STK32B: variants seen among roughly 807,000 people sequenced by gnomAD.
STK32B encodes serine/threonine-protein kinase 32B.
A neutral mutation model predicts 52.6 loss-of-function variants in STK32B; 43 were observed. That is an observed-to-expected ratio of 0.82 (90% CI 0.64 to 1.05). STK32B has a LOEUF of 1.05. Ranked by LOEUF, STK32B falls within the 50% of genes least tolerant of loss-of-function variation. The pLI, the probability that STK32B is intolerant of heterozygous loss-of-function variation, is 0.00. For missense variants in STK32B, 621 were observed against 534.6 expected, an observed-to-expected ratio of 1.16 and a Z score of -1.59; for synonymous variants, 238 against 204.3, an observed-to-expected ratio of 1.17 and a Z score of -1.41.
chr4:5,315,344 C>G (rs1004842939), intron 3 of STK32B, among the ~76,000 whole-genome samples: 2 of 152,070 alleles, frequency 1.3e-5, no homozygotes, highest in Non-Finnish European at 2.9e-5. Flanking sequence ...ACAAACAGAT[C>G]TGTATGTATC....
chr4:5,467,147 C>T lies in STK32B; in HGVS notation c.1041+313C>T, dbSNP rs1032910312. On this transcript the variant is annotated intron_variant, in intron 10 of 11. Coordinates refer to ENST00000282908, the MANE Select transcript of STK32B (RefSeq NM_018401.3). This position sits in a 1 kb window ranked among gnomAD's most constrained non-coding sequence, Gnocchi z 5.8. ...TACCGCAGAGGCCCCCAGGGCTGCACGATGACTTTTGTGGGTCCTGGGCAC... is the reference window on the plus strand; with the variant it reads ...TACCGCAGAGGCCCCCAGGGCTGCATGATGACTTTTGTGGGTCCTGGGCAC... Among the ~76,000 whole-genome samples the T allele has an allele frequency of 3.3e-5, 5 of 152,068 alleles. 1 individual carries two copies. Among genetic ancestry groups the T allele is most frequent in the South Asian group, 4.1e-4 (2 of 4,828 alleles).
chr4:5,156,514 G>A (rs1717861105), intron 2 of STK32B, among the ~76,000 whole-genome samples: 3 of 152,068 alleles, frequency 2.0e-5, no homozygotes, highest in Admixed American at 2.0e-4. Context: ...CCCTTTGATG[G>A]CTGAGCCAGC....
upstream of STK32B, among the ~76,000 whole-genome samples, chr4:5,047,066 T>A (rs887339577): frequency 6.6e-6 from 1 of 152,144 alleles, no homozygotes; most frequent in African/African-American, 2.4e-5. Flanking sequence ...CTGTTTACAA[T>A]AGCAAAATTG....
chr4:5,498,872 C>T, intron 11 of STK32B, 73 bp from the exon 12 acceptor site: 3 of 1,506,048 alleles, frequency 2.0e-6, no homozygotes, highest in Non-Finnish European at 2.7e-6. Context: ...GCCCTGCCTG[C>T]CCAGTGTGTC....
chr4:5,035,741 A>G, the STK32B span, among the ~76,000 whole-genome samples: 1 of 152,084 alleles, frequency 6.6e-6, no homozygotes, highest in Non-Finnish European at 1.5e-5. Context: ...GTACAATTAG[A>G]ATGTATTTTC....
At chr4:5,219,863 A>T (rs540026673) in intron 3 of STK32B, among the ~76,000 whole-genome samples, 1 of 152,138 alleles carries the variant, frequency 6.6e-6, no homozygotes, top group East Asian at 1.9e-4. Context: ...CTTTTTGGAG[A>T]TTGTTGCTTT....
chr4:5,299,744 T>C (rs936182219), intron 3 of STK32B, among the ~76,000 whole-genome samples: 2 of 152,176 alleles, frequency 1.3e-5, no homozygotes, highest in African/African-American at 2.4e-5. Flanking sequence ...GCTTTAGTTA[T>C]CCATTCTTTT....
chr4:5,182,148 C>G (rs190154546), intron 3 of STK32B, among the ~76,000 whole-genome samples: 60 of 152,326 alleles, frequency 3.9e-4, no homozygotes, highest in Non-Finnish European at 7.2e-4. Context: ...CAAGTGTGGT[C>G]ATGAGATTGC....
intron 4 of STK32B, among the ~76,000 whole-genome samples, chr4:5,349,608 A>G (rs1156479736): frequency 6.6e-6 from 1 of 152,220 alleles, no homozygotes; most frequent in Non-Finnish European, 1.5e-5. Flanking sequence ...CCCCAAAGGA[A>G]CACAGTAATT....
intron 4 of STK32B, among the ~76,000 whole-genome samples, chr4:5,349,191 C>T (rs1474764991): frequency 1.3e-5 from 2 of 152,142 alleles, no homozygotes; most frequent in Non-Finnish European, 2.9e-5. Context: ...CTGCCTGGAA[C>T]AAATAAAGCC....
chr4:5,159,609 GAA>G (rs1560185913), intron 2 of STK32B, among the ~76,000 whole-genome samples: 1 of 95,858 alleles, frequency 1.0e-5, no homozygotes, highest in East Asian at 3.3e-4. Flanking sequence ...ATATATATAT[GAA>G]TATATATGAA....
intron 2 of STK32B, among the ~76,000 whole-genome samples, chr4:5,160,389 A>G (rs1000859450): frequency 1.3e-5 from 2 of 152,160 alleles, no homozygotes; most frequent in Admixed American, 6.5e-5. Context: ...CCAGTGTGTC[A>G]ACACGTGCCA....
At chr4:5,450,451 G>T (rs985347791) in intron 7 of STK32B, among the ~76,000 whole-genome samples, 3 of 152,152 alleles carry the variant, frequency 2.0e-5, no homozygotes, top group African/African-American at 7.2e-5. Flanking sequence ...TCAGGATCCA[G>T]GGAGCGTTGT....
chr4:5,464,014 C>T (rs1336709691), intron 9 of STK32B, among the ~76,000 whole-genome samples: 4 of 152,196 alleles, frequency 2.6e-5, no homozygotes, highest in African/African-American at 9.7e-5. Context: ...CCTGCATCAG[C>T]TTTGCTTCTG....
At position 5,437,593 on chromosome 4, in the gene STK32B, C is replaced by T. The variant is rs6822069; in HGVS notation, c.563-9080C>T. Among the ~76,000 whole-genome samples, 1,190 of 152,306 alleles carry T rather than the reference C, an allele frequency of 7.8e-3. 24 individuals are homozygous for T. Among genetic ancestry groups the T allele is most frequent in the African/African-American group, 0.027 (1,110 of 41,570 alleles). On this transcript the variant is annotated intron_variant, in intron 6 of 11. Coordinates refer to ENST00000282908, the MANE Select transcript of STK32B (RefSeq NM_018401.3). ...TTATTTTCAAATATGGCCCTATTCA[C>T]AGGTCCCAGGAGTTAGGACTTGAAC...
At chr4:5,111,300 G>T (rs1260803844) in intron 1 of STK32B, among the ~76,000 whole-genome samples, 3 of 152,100 alleles carry the variant, frequency 2.0e-5, no homozygotes, top group African/African-American at 7.2e-5. Context: ...ACACAAAAAA[G>T]ACACCTGCAC....
At chr4:5,091,923 T>C (rs1339334193) in intron 1 of STK32B, among the ~76,000 whole-genome samples, 4 of 152,208 alleles carry the variant, frequency 2.6e-5, no homozygotes, top group African/African-American at 9.6e-5. Context: ...TTTAAAACTT[T>C]ATGTTAAGTG....
At chr4:5,085,758 T>C (rs1712697148) in intron 1 of STK32B, among the ~76,000 whole-genome samples, 1 of 152,204 alleles carries the variant, frequency 6.6e-6, no homozygotes, top group South Asian at 2.1e-4. Context: ...GAACAGCAGC[T>C]GAACTTTGTT....
At chr4:5,194,649 C>T (rs1055643178) in intron 3 of STK32B, among the ~76,000 whole-genome samples, 4 of 152,138 alleles carry the variant, frequency 2.6e-5, no homozygotes, top group African/African-American at 7.2e-5. Flanking sequence ...AGGCAGTTCT[C>T]TCACTGCTAT....
Sources: allele counts gnomAD v4.1 joint callset (sites outside exome capture counted in the v4.1 genomes callset), GRCh38; gene constraint gnomAD v4.1.1; non-coding constraint Gnocchi (gnomAD v3.1); transcripts MANE v1.5; gene names NCBI Gene and HGNC (gene_info 2026-07-23, HGNC 2026-07-21).